Variants in CADPS2 observed in about 807,000 individuals in gnomAD.
The protein encoded by CADPS2 is calcium-dependent secretion activator 2.
CADPS2 carries 93 observed loss-of-function variants against 172.5 expected under a neutral mutation model. That is an observed-to-expected ratio of 0.54 (90% CI 0.46 to 0.64). CADPS2 has a LOEUF of 0.64. CADPS2 is among the 30% of genes least tolerant of loss of function. The pLI is 0.00. For missense variants in CADPS2, 1,420 were observed against 1,565.9 expected, an observed-to-expected ratio of 0.91 and a Z score of 1.57; for synonymous variants, 546 against 555.2, an observed-to-expected ratio of 0.98 and a Z score of 0.23.
At chr7:122,521,539 T>C (rs1289550472) in intron 8 of CADPS2, among the ~76,000 whole-genome samples, 1 of 151,976 alleles carries the variant, frequency 6.6e-6, no homozygotes, top group African/African-American at 2.4e-5. Flanking sequence ...CAGACAACAC[T>C]GGGACCTGGG....
Position 122,379,437 on chromosome 7 carries a change from C to T in CADPS2, c.3318G>A (p.Gln1106=). The change falls in exon 25 of 30, where the codon CAG becomes CAA. Residue 1106 remains glutamine (Q), a synonymous_variant. Coordinates refer to ENST00000449022, the MANE Select transcript of CADPS2 (RefSeq NM_017954.11). ...LCALDGGQEQ[Q]YHSKIDDLID... is the part of the protein sequence containing the mutation. ...TCAGATCATCTATTTTTGAATGGTA[C>T]TGTTGCTAGATATTAAAAGATAAAA... The T allele has an allele frequency of 1.3e-6, 2 of 1,598,268 alleles. No individual in the cohort carries two copies. Among genetic ancestry groups the T allele is most frequent in the East Asian group, 2.2e-5 (1 of 44,566 alleles).
intron 22 of CADPS2, among the ~76,000 whole-genome samples, chr7:122,391,519 A>C (rs2044364393): frequency 6.6e-6 from 1 of 152,138 alleles, no homozygotes. Flanking sequence ...AGTGTAAAAA[A>C]GAACAAAAAA....
chr7:122,580,650 A>G (rs945449337), intron 7 of CADPS2, among the ~76,000 whole-genome samples: 2 of 152,108 alleles, frequency 1.3e-5, no homozygotes, highest in Admixed American at 1.3e-4. Context: ...ACATATATAT[A>G]TTCTAGGTAT....
intron 22 of CADPS2, among the ~76,000 whole-genome samples, 179 bp from the exon 23 acceptor site, chr7:122,388,917 A>G (rs538709423): frequency 6.6e-6 from 1 of 152,190 alleles, no homozygotes; most frequent in East Asian, 1.9e-4. Context: ...AATTCTTAAT[A>G]AGGCAGGGCA....
intron 7 of CADPS2, among the ~76,000 whole-genome samples, chr7:122,573,691 A>G (rs2067576395): frequency 6.6e-6 from 1 of 152,154 alleles, no homozygotes; most frequent in Non-Finnish European, 1.5e-5. Context: ...AACAAACTAA[A>G]TAGTTACCAG....
intron 2 of CADPS2, among the ~76,000 whole-genome samples, chr7:122,710,545 T>C (rs370744214): frequency 2.6e-5 from 4 of 152,080 alleles, no homozygotes; most frequent in South Asian, 2.1e-4. Flanking sequence ...TTGATGAGTA[T>C]TGGATGACAT....
chr7:122,582,266 C>T lies in CADPS2; in HGVS notation c.1224-976G>A, dbSNP rs988290474. Reference sequence around the variant, plus strand: ...TACATTTTATTTTATAAATCTCATTCGGAGAGCTTACAACATACAGAAAAC... The same window carrying T: ...TACATTTTATTTTATAAATCTCATTTGGAGAGCTTACAACATACAGAAAAC... On this transcript the variant is annotated intron_variant, in intron 6 of 29. Transcript: ENST00000449022. Among the ~76,000 whole-genome samples, 5 of 151,980 alleles carry T rather than the reference C, an allele frequency of 3.3e-5. No individual in the cohort carries two copies. In the East Asian group the frequency reaches 7.7e-4, roughly 23 times the overall value.
intron 3 of CADPS2, among the ~76,000 whole-genome samples, chr7:122,656,614 T>C (rs1409012458): frequency 6.6e-6 from 1 of 152,108 alleles, no homozygotes; most frequent in African/African-American, 2.4e-5. Context: ...GGACACTCCA[T>C]CTCTCCAACA....
At chr7:122,436,663 AT>A (rs745851220) in intron 17 of CADPS2, among the ~76,000 whole-genome samples, 1 of 152,112 alleles carries the variant, frequency 6.6e-6, no homozygotes, top group East Asian at 1.9e-4. Flanking sequence ...GCTAGGATCC[AT>A]TTTCCAGAAT....
chr7:122,397,499 T>C (rs1053740656), intron 20 of CADPS2, among the ~76,000 whole-genome samples: 3 of 147,924 alleles, frequency 2.0e-5, no homozygotes, highest in Non-Finnish European at 4.5e-5. Context: ...GAAAGAGAAA[T>C]ACACAAAGAG....
At chr7:122,446,377 T>G (rs183387774) in intron 15 of CADPS2, among the ~76,000 whole-genome samples, 40 of 152,322 alleles carry the variant, frequency 2.6e-4, no homozygotes, top group African/African-American at 9.6e-4. Flanking sequence ...TTAAATTACC[T>G]GGAAACAGTT....
intron 2 of CADPS2, among the ~76,000 whole-genome samples, chr7:122,707,648 G>A (rs1468393352): frequency 5.3e-5 from 8 of 151,128 alleles, no homozygotes; most frequent in African/African-American, 1.9e-4. Context: ...TGTTTTTTTT[G>A]CAAGAAATTA....
At chr7:122,576,366 G>C (rs2068038701) in intron 7 of CADPS2, among the ~76,000 whole-genome samples, 1 of 152,054 alleles carries the variant, frequency 6.6e-6, no homozygotes, top group African/African-American at 2.4e-5. Context: ...TCCCCCTTAG[G>C]TTACTGAGGT....
At chr7:122,706,507 G>A (rs1375750589) in intron 2 of CADPS2, among the ~76,000 whole-genome samples, 1 of 146,836 alleles carries the variant, frequency 6.8e-6, no homozygotes, top group East Asian at 2.0e-4. Flanking sequence ...AAAGAGAACT[G>A]AAACATATTA....
At chr7:122,428,633 A>G (rs1036375461) in intron 17 of CADPS2, among the ~76,000 whole-genome samples, 40 of 151,826 alleles carry the variant, frequency 2.6e-4, no homozygotes, top group East Asian at 1.9e-4. Context: ...ATGCCTGGCT[A>G]AGTTTGTATT....
chr7:122,884,984 C>T (rs1823934218), intron 1 of CADPS2, among the ~76,000 whole-genome samples: 1 of 152,202 alleles, frequency 6.6e-6, no homozygotes, highest in Non-Finnish European at 1.5e-5. Flanking sequence ...TAATAAATGT[C>T]TGTGCATGTA....
chr7:122,373,011 T>C (rs2041950771), intron 25 of CADPS2, among the ~76,000 whole-genome samples: 1 of 152,224 alleles, frequency 6.6e-6, no homozygotes, highest in Admixed American at 6.5e-5. Flanking sequence ...TATATAATTT[T>C]ATGCAAACTA....
chr7:122,619,569 G>A (rs752771873), intron 5 of CADPS2, among the ~76,000 whole-genome samples: 1 of 152,182 alleles, frequency 6.6e-6, no homozygotes, highest in Non-Finnish European at 1.5e-5. Context: ...GGAGGTTGTG[G>A]TGAGCAGAGA....
intron 2 of CADPS2, among the ~76,000 whole-genome samples, chr7:122,732,796 A>T (rs1488304379): frequency 7.0e-6 from 1 of 142,922 alleles, no homozygotes; most frequent in Admixed American, 7.3e-5. Context: ...ATATATATAC[A>T]TTATATATTA....
Sources: gnomAD v4.1 joint callset for allele counts (sites outside exome capture counted in the v4.1 genomes callset) on GRCh38, gnomAD v4.1.1 for gene constraint, MANE v1.5 for transcripts, NCBI Gene and HGNC (gene_info 2026-07-23, HGNC 2026-07-21) for gene names.